Variants in CSMD1 observed in about 807,000 individuals in gnomAD.
CSMD1 encodes the protein CUB and sushi domain-containing protein 1.
Under a neutral mutation model 417.5 loss-of-function variants are expected in CSMD1, and 213 were observed. The ratio of observed to expected loss-of-function variants is 0.51; its 90% CI spans 0.46 to 0.57. The LOEUF (loss-of-function observed/expected upper bound fraction) is 0.57, where lower values mean the gene tolerates loss of function less well. CSMD1 is among the 20% of genes least tolerant of loss of function. The probability of loss-of-function intolerance (pLI) is 0.00; values close to 1 mark genes in which losing one functional copy is unlikely to be tolerated. For synonymous variants in CSMD1, 2,862 were observed against 1,736.8 expected (o/e 1.65, Z -16.11); for missense variants, 6,923 against 4,529.7 (o/e 1.53, Z -15.17).
chr8:3,255,815 C>G (rs61578146), intron 26 of CSMD1, among the ~76,000 whole-genome samples: 2 of 152,034 alleles, frequency 1.3e-5, no homozygotes, highest in South Asian at 2.1e-4. Context: ...TTGTGCTTCC[C>G]GGGTGATGTG....
At chr8:4,850,789 T>C (rs1169817184) in intron 1 of CSMD1, among the ~76,000 whole-genome samples, 1 of 152,108 alleles carries the variant, frequency 6.6e-6, no homozygotes, top group Non-Finnish European at 1.5e-5. Flanking sequence ...GCTTGCCTAT[T>C]ATTTTACCCA....
chr8:3,008,619 C>G (rs1295191530), intron 52 of CSMD1, among the ~76,000 whole-genome samples: 2 of 152,298 alleles, frequency 1.3e-5, no homozygotes, highest in Middle Eastern at 3.4e-3. Context: ...TCCTTCAGAA[C>G]TCCAGCATGC....
intron 3 of CSMD1, among the ~76,000 whole-genome samples, chr8:4,204,755 A>G (rs906799966): frequency 6.6e-6 from 1 of 152,112 alleles, no homozygotes; most frequent in African/African-American, 2.4e-5. Context: ...CCCAGCCTCA[A>G]TCAATCCTCC....
Position 3,017,808 on chromosome 8 carries a change from A to T in CSMD1, c.8029+669T>A, listed in dbSNP as rs1250806481. Among the ~76,000 whole-genome samples the T allele has an allele frequency of 1.7e-4, 17 of 99,574 alleles. No individual in the cohort carries two copies. The South Asian group carries it at 4.4e-3, about 26-fold the overall frequency. 65.3% of individuals were successfully genotyped at this position (99,574 alleles called of 152,430 possible). A position where few individuals can be genotyped will look rare whatever the true frequency, so the allele number is the denominator to read the frequency against. On this transcript the variant is annotated intron_variant, in intron 52 of 69. Transcript: ENST00000635120. ...AGTTTCTATGGCTTTGAGTGATTTA[A>T]AAAAAAAAAAAAAAAAAAAAAAAAA... is the stretch of plus-strand genomic sequence containing the variant.
intron 3 of CSMD1, among the ~76,000 whole-genome samples, chr8:4,352,164 A>T (rs1157192974): frequency 6.6e-6 from 1 of 152,152 alleles, no homozygotes; most frequent in African/African-American, 2.4e-5. Context: ...TTTTATATTA[A>T]GTCCACTTAG....
At chr8:3,543,530 C>A (rs916053252) in intron 10 of CSMD1, among the ~76,000 whole-genome samples, 1 of 151,688 alleles carries the variant, frequency 6.6e-6, no homozygotes. Flanking sequence ...GGCTGGATCC[C>A]CAACATGATG....
intron 3 of CSMD1, among the ~76,000 whole-genome samples, chr8:4,184,074 C>T (rs1020051540): frequency 1.3e-5 from 2 of 152,162 alleles, no homozygotes; most frequent in African/African-American, 4.8e-5. Flanking sequence ...AATAATTAGC[C>T]ACCTTCCCTC....
intron 10 of CSMD1, among the ~76,000 whole-genome samples, chr8:3,551,878 G>C (rs1019173861): frequency 5.3e-5 from 8 of 152,198 alleles, no homozygotes; most frequent in Non-Finnish European, 1.2e-4. Context: ...TGTCTTTAAT[G>C]TGATCATGCT....
intron 7 of CSMD1, among the ~76,000 whole-genome samples, chr8:3,651,236 C>G (rs991258576): frequency 7.2e-5 from 11 of 152,256 alleles, no homozygotes; most frequent in East Asian, 5.8e-4. Flanking sequence ...TAAGACAGAT[C>G]GTATCACCCC....
chr8:4,492,656 A>C (rs775281746), intron 2 of CSMD1, among the ~76,000 whole-genome samples: 3 of 152,212 alleles, frequency 2.0e-5, no homozygotes, highest in Non-Finnish European at 4.4e-5. Context: ...ATATTTGATC[A>C]AAATATGTAG....
At chr8:3,651,388 A>G (rs1797850183) in intron 7 of CSMD1, among the ~76,000 whole-genome samples, 1 of 152,090 alleles carries the variant, frequency 6.6e-6, no homozygotes, top group Non-Finnish European at 1.5e-5. Flanking sequence ...CATTCACAAT[A>G]TGGAAGCCAT....
chr8:4,626,865 A>G (rs1802148396), intron 2 of CSMD1, among the ~76,000 whole-genome samples: 1 of 152,202 alleles, frequency 6.6e-6, no homozygotes, highest in African/African-American at 2.4e-5. Context: ...ATAAGCAAGA[A>G]GAAAATCAAG....
chr8:3,365,077 G>A (rs1032749066), intron 20 of CSMD1, among the ~76,000 whole-genome samples: 1 of 152,162 alleles, frequency 6.6e-6, no homozygotes, highest in Admixed American at 6.6e-5. Flanking sequence ...GTAAGAACTG[G>A]AGGAAGTGAT....
At chr8:3,636,009 T>A (rs554550118) in intron 7 of CSMD1, among the ~76,000 whole-genome samples, 1 of 152,168 alleles carries the variant, frequency 6.6e-6, no homozygotes, top group Non-Finnish European at 1.5e-5. Flanking sequence ...CACAAACACA[T>A]TGAACAGCTG....
chr8:4,016,081 A>T (rs922604595), intron 4 of CSMD1, among the ~76,000 whole-genome samples: 7 of 152,178 alleles, frequency 4.6e-5, no homozygotes, highest in Admixed American at 3.3e-4. Context: ...AAATCTACCC[A>T]TTAATATTTA....
chr8:4,043,998 G>C (rs527650568), intron 3 of CSMD1, among the ~76,000 whole-genome samples: 5 of 150,984 alleles, frequency 3.3e-5, no homozygotes, highest in African/African-American at 9.8e-5. Flanking sequence ...TGTAATGTCA[G>C]AAAGAAATAA....
intron 8 of CSMD1, among the ~76,000 whole-genome samples, chr8:3,607,155 C>A (rs1053536659): frequency 9.9e-5 from 15 of 152,074 alleles, no homozygotes; most frequent in African/African-American, 3.6e-4. Context: ...ACTTTCTAAA[C>A]CTTTTGTTAT....
intron 32 of CSMD1, among the ~76,000 whole-genome samples, chr8:3,200,276 C>T (rs1225427803): frequency 6.6e-6 from 1 of 151,848 alleles, no homozygotes; most frequent in East Asian, 1.9e-4. Context: ...ACATATAGGC[C>T]AGGTGAGGTG....
intron 1 of CSMD1, among the ~76,000 whole-genome samples, chr8:4,905,809 G>C (rs569698108): frequency 8.2e-6 from 1 of 121,314 alleles, no homozygotes; most frequent in African/African-American, 3.2e-5. Context: ...CACAGAGCGA[G>C]ACTCCATCTC....
Sources: allele counts gnomAD v4.1 joint callset (sites outside exome capture counted in the v4.1 genomes callset), GRCh38; gene constraint gnomAD v4.1.1; transcripts MANE v1.5; gene names NCBI Gene and HGNC (gene_info 2026-07-23, HGNC 2026-07-21).